Variants in MEI4 observed in about 807,000 individuals in gnomAD.
The protein encoded by MEI4 is meiotic double-stranded break formation protein 4, also known as meiosis-specific protein MEI4.
A neutral mutation model predicts 31.4 loss-of-function variants in MEI4; 27 were observed. The ratio of observed to expected loss-of-function variants is 0.86; its 90% confidence interval spans 0.63 to 1.19. The LOEUF (loss-of-function observed/expected upper bound fraction) is 1.19, where lower values mean the gene tolerates loss of function less well. MEI4 is among the 50% of genes most tolerant of loss of function. The probability of loss-of-function intolerance (pLI) is 0.00; values close to 1 mark genes in which losing one functional copy is unlikely to be tolerated. For synonymous variants in MEI4, 122 were observed against 145.4 expected, an observed-to-expected ratio of 0.84 and a Z score of 1.16; for missense variants, 329 against 398.9, an observed-to-expected ratio of 0.82 and a Z score of 1.49.
At chr6:77,654,700 C>T (rs1581992106) in intron 1 of MEI4, among the ~76,000 whole-genome samples, 2 of 151,056 alleles carry the variant, frequency 1.3e-5, no homozygotes, top group East Asian at 3.9e-4. Context: ...AATTTAGATG[C>T]ATCTGGTTGA....
intron 3 of MEI4, among the ~76,000 whole-genome samples, chr6:77,774,681 T>A (rs1159707262): frequency 1.3e-5 from 2 of 151,960 alleles, no homozygotes; most frequent in Non-Finnish European, 2.9e-5. Context: ...TGAGCCAGGA[T>A]GTTATTTGAA....
chr6:77,877,540 C>T (rs974718319), intron 4 of MEI4, among the ~76,000 whole-genome samples: 2 of 151,932 alleles, frequency 1.3e-5, no homozygotes, highest in Non-Finnish European at 2.9e-5. Flanking sequence ...GACTCACATA[C>T]GTATCTATGT....
At chr6:77,715,954 A>C (rs2127661709) in intron 2 of MEI4, among the ~76,000 whole-genome samples, 1 of 152,270 alleles carries the variant, frequency 6.6e-6, no homozygotes, top group Admixed American at 6.5e-5. Flanking sequence ...TGAGCTTTTA[A>C]GAAAAGAGTA....
intron 2 of MEI4, among the ~76,000 whole-genome samples, chr6:77,714,081 C>G (rs1214156602): frequency 1.3e-5 from 2 of 152,070 alleles, no homozygotes; most frequent in Non-Finnish European, 2.9e-5. Flanking sequence ...TTTTGTATGG[C>G]TACATAGTAG....
At chr6:77,909,327 GAA>G in intron 4 of MEI4, among the ~76,000 whole-genome samples, 1 of 151,936 alleles carries the variant, frequency 6.6e-6, no homozygotes, top group Non-Finnish European at 1.5e-5. Context: ...TACTAAAGAA[GAA>G]AAGAGAGAAG....
At chr6:77,767,015 AAT>A (rs1363679934) in intron 3 of MEI4, among the ~76,000 whole-genome samples, 1 of 152,114 alleles carries the variant, frequency 6.6e-6, no homozygotes, top group Non-Finnish European at 1.5e-5. Context: ...CTGCTTTGAG[AAT>A]ATTCCTTGGG....
intron 3 of MEI4, among the ~76,000 whole-genome samples, chr6:77,790,084 G>T (rs1768874837): frequency 6.6e-6 from 1 of 152,000 alleles, no homozygotes; most frequent in African/African-American, 2.4e-5. Context: ...CATAAAAAAT[G>T]ATGAGTTCAT....
intron 1 of MEI4, among the ~76,000 whole-genome samples, chr6:77,668,585 T>C (rs1188861008): frequency 1.3e-5 from 2 of 152,206 alleles, no homozygotes; most frequent in African/African-American, 4.8e-5. Context: ...GCTAATTTAG[T>C]GTGTTCACTT....
chr6:77,688,748 C>G (rs1769104631), intron 1 of MEI4, among the ~76,000 whole-genome samples: 1 of 151,998 alleles, frequency 6.6e-6, no homozygotes, highest in Non-Finnish European at 1.5e-5. Context: ...GAATAGGCAC[C>G]TTTTAAAAAA....
chr6:77,736,378 G>T (rs1767219921), intron 2 of MEI4, among the ~76,000 whole-genome samples: 1 of 152,062 alleles, frequency 6.6e-6, no homozygotes, highest in Admixed American at 6.5e-5. Flanking sequence ...CAGTATTTGG[G>T]TGGGAGTGAC....
chr6:77,729,805 TTTC>T (rs1428623311), intron 2 of MEI4, among the ~76,000 whole-genome samples: 1 of 152,176 alleles, frequency 6.6e-6, no homozygotes, highest in Non-Finnish European at 1.5e-5. Context: ...ATTTTAGTAT[TTTC>T]TTCTTATGAT....
At chr6:77,837,721 A>C (rs1188785317) in intron 4 of MEI4, among the ~76,000 whole-genome samples, 2 of 152,168 alleles carry the variant, frequency 1.3e-5, no homozygotes, top group East Asian at 3.8e-4. Context: ...TCTTATTTGT[A>C]TCCTGATTTA....
At chr6:77,709,523 C>T (rs2127659359) in intron 2 of MEI4, among the ~76,000 whole-genome samples, 1 of 152,246 alleles carries the variant, frequency 6.6e-6, no homozygotes, top group East Asian at 1.9e-4. Flanking sequence ...ATCAATTTCA[C>T]AAATACTAGT....
intron 3 of MEI4, among the ~76,000 whole-genome samples, chr6:77,801,773 A>G (rs543530577): frequency 2.0e-5 from 3 of 152,276 alleles, no homozygotes; most frequent in Admixed American, 2.0e-4. Flanking sequence ...GTTTCCATGT[A>G]GTTGAGCGGT....
intron 3 of MEI4, among the ~76,000 whole-genome samples, chr6:77,789,163 C>T (rs1768840611): frequency 6.6e-6 from 1 of 152,130 alleles, no homozygotes; most frequent in South Asian, 2.1e-4. Context: ...GAAAGGATTC[C>T]CTATTTAATA....
At chr6:77,866,849 A>C (rs1186700273) in intron 4 of MEI4, among the ~76,000 whole-genome samples, 1 of 152,250 alleles carries the variant, frequency 6.6e-6, no homozygotes, top group Non-Finnish European at 1.5e-5. Flanking sequence ...TAACCAAAAC[A>C]GCGTGGTGCT....
chr6:77,829,640 C>T (rs1770031576), intron 4 of MEI4, among the ~76,000 whole-genome samples: 1 of 152,142 alleles, frequency 6.6e-6, no homozygotes, highest in Non-Finnish European at 1.5e-5. Flanking sequence ...TCTTCTATAT[C>T]ACTGGTGACA....
intron 1 of MEI4, among the ~76,000 whole-genome samples, chr6:77,660,953 G>A (rs1352643154): frequency 1.3e-5 from 2 of 152,164 alleles, no homozygotes; most frequent in East Asian, 3.9e-4. Context: ...ATCTGGAGTA[G>A]GCAAGAGAAG....
At chr6:77,896,373 A>C (rs561404474) in intron 4 of MEI4, among the ~76,000 whole-genome samples, 1 of 152,252 alleles carries the variant, frequency 6.6e-6, no homozygotes, top group Admixed American at 6.6e-5. Context: ...TTGGGATTTA[A>C]TCTATGATGA....
Sources: allele counts gnomAD v4.1 joint callset (sites outside exome capture counted in the v4.1 genomes callset), GRCh38; gene constraint gnomAD v4.1.1; transcripts MANE v1.5; gene names NCBI Gene and HGNC (gene_info 2026-07-23, HGNC 2026-07-21).